Variants in SDK2 observed in about 807,000 individuals in gnomAD.
SDK2 encodes the protein protein sidekick-2.
In SDK2, 105 loss-of-function variants were observed where a neutral mutation model predicts 253.9. That is an observed-to-expected ratio of 0.41 (90% CI 0.35 to 0.49). The LOEUF (loss-of-function observed/expected upper bound fraction) is 0.49. SDK2 is among the 20% of genes least tolerant of loss of function. SDK2 has a pLI of 0.06. For missense variants in SDK2, 2,608 were observed against 3,003.0 expected, an observed-to-expected ratio of 0.87 and a Z score of 3.07; for synonymous variants, 1,249 against 1,234.9, an observed-to-expected ratio of 1.01 and a Z score of -0.24.
At chr17:73,406,246 CTTT>C (rs56122304) in intron 18 of SDK2, among the ~76,000 whole-genome samples, 2 of 139,822 alleles carry the variant, frequency 1.4e-5, no homozygotes, top group Non-Finnish European at 1.5e-5. Context: ...CTACTACACT[CTTT>C]TTTTTTTTTT....
intron 1 of SDK2, among the ~76,000 whole-genome samples, chr17:73,536,839 C>T (rs1399984110): frequency 1.3e-5 from 2 of 152,192 alleles, no homozygotes; most frequent in Admixed American, 6.5e-5. Flanking sequence ...CGCCTCCTTC[C>T]CTACTCCGCC....
intron 32 of SDK2, 86 bp downstream of exon 32, chr17:73,385,761 A>C: frequency 7.8e-7 from 1 of 1,277,634 alleles, no homozygotes; most frequent in Non-Finnish European, 1.1e-6. Context: ...GGCTCCACGC[A>C]GCCCTGGTGG....
rs143396100 is a variant in SDK2 at position 73,610,840 on chromosome 17, CGTGTGT to C, written c.64+33179_64+33184del. 2.8e-3 allele frequency among the ~76,000 whole-genome samples: 416 copies of C among 148,778 alleles called. 3 individuals are homozygous for C. Among genetic ancestry groups the C allele is most frequent in the African/African-American group, 9.4e-3 (381 of 40,702 alleles). ...GGAGTGTATGTGTGGTGTGCGTGTG[CGTGTGT>C]GTGTGTGTGTGTGTATGAGAGACAG... is the stretch of plus-strand genomic sequence containing the variant. On this transcript the variant is annotated intron_variant, in intron 1 of 44. Coordinates refer to ENST00000392650, the MANE Select transcript of SDK2 (RefSeq NM_001144952.2).
rs1026524737 is a variant in SDK2, at chr17:73,337,479, C to T, written c.*1108G>A. ...TTGTTCTGGAGAGGATCCCTAGACC[C>T]TGTTCCTTGTAAGTGCATGGGAGAT... is the stretch of plus-strand genomic sequence containing the variant. On this transcript the variant is annotated 3_prime_UTR_variant, in exon 45 of 45. Coordinates refer to ENST00000392650, the MANE Select transcript of SDK2 (RefSeq NM_001144952.2). 5 of 149,984 alleles carry T rather than the reference C, an allele frequency of 3.3e-5. No individual in the cohort carries two copies. The highest frequency in any genetic ancestry group is 1.2e-4 in the African/African-American group (5 of 40,690). The allele number at this position is 149,984 out of a possible 1,614,324, so 9.3% of individuals were successfully genotyped here.
At chr17:73,439,837 CTA>C (rs2145629554) in intron 6 of SDK2, among the ~76,000 whole-genome samples, 1 of 152,298 alleles carries the variant, frequency 6.6e-6, no homozygotes, top group South Asian at 2.1e-4. Context: ...TTCAACTCAG[CTA>C]TCATCCAGCT....
In SDK2 at chr17:73,348,595, T is replaced by C. The variant is rs775473662; in HGVS notation, c.6165+4A>G. The C allele has an allele frequency of 3.1e-6, 5 of 1,611,994 alleles. No individual in the cohort carries two copies. Among genetic ancestry groups the C allele is most frequent in the Middle Eastern group, 3.3e-4 (2 of 6,080 alleles). ...TGCAGGACACCTGGCCCTCCTGCCCTCACCTGAGAGTCGGAGATTTCTGAG... is the reference window on the plus strand; with the variant it reads ...TGCAGGACACCTGGCCCTCCTGCCCCCACCTGAGAGTCGGAGATTTCTGAG... On this transcript the variant is annotated splice_donor_region_variant and intron_variant, in intron 44 of 44. Transcript: ENST00000392650.
chr17:73,476,270 C>G (rs945311680), intron 2 of SDK2, among the ~76,000 whole-genome samples: 1 of 152,128 alleles, frequency 6.6e-6, no homozygotes, highest in South Asian at 2.1e-4. Context: ...AATACACAAG[C>G]ACAAACGCAC....
intron 1 of SDK2, chr17:73,518,476 C>T (rs1441394807): frequency 1.3e-5 from 2 of 152,220 alleles, no homozygotes; most frequent in East Asian, 1.9e-4. Context: ...TTGGTGCAGC[C>T]TCTGCAAGCC....
At chr17:73,488,141 A>G (rs2063781616) in intron 2 of SDK2, among the ~76,000 whole-genome samples, 1 of 151,938 alleles carries the variant, frequency 6.6e-6, no homozygotes, top group Non-Finnish European at 1.5e-5. Context: ...TCAGCCTCCC[A>G]AGTAGCTGGG....
intron 43 of SDK2, among the ~76,000 whole-genome samples, chr17:73,349,186 T>C (rs2062512812): frequency 6.6e-6 from 1 of 152,142 alleles, no homozygotes; most frequent in Non-Finnish European, 1.5e-5. Context: ...CTGGCGGGGC[T>C]GCTATGGCCA....
At chr17:73,525,162 C>A (rs933575326) in intron 1 of SDK2, among the ~76,000 whole-genome samples, 3 of 152,196 alleles carry the variant, frequency 2.0e-5, no homozygotes, top group African/African-American at 7.2e-5. Context: ...AGGCAAGAAG[C>A]CCGGAGAACC....
Position 73,380,895 on chromosome 17 carries a change from G to A in SDK2, c.4761C>T (p.Asp1587=). The change falls in exon 34 of 45, where the codon GAC becomes GAT. Residue 1587 remains aspartate, a splice_region_variant and synonymous_variant. Transcript: ENST00000392650. ...AAGCCACCATGCAAGGAGACTTACTGTCCAGCTCGTACTGCGTGAGGCTGG... is the reference window on the plus strand; with the variant it reads ...AAGCCACCATGCAAGGAGACTTACTATCCAGCTCGTACTGCGTGAGGCTGG... The part of the protein sequence containing the change: ...SRPSLTQYEL[D]NLNKHRRYEI... The A allele has an allele frequency of 6.4e-7, 1 of 1,566,606 alleles. No individual in the cohort carries two copies. The highest frequency in any genetic ancestry group is 1.4e-5 in the African/African-American group (1 of 73,804).
chr17:73,336,210 G>C lies in SDK2; in HGVS notation c.*2377C>G, dbSNP rs1283474884. ...AAAAAAAAAAAAAGATGAGAGGAAAGAAAAGAAAGCTGTGCGGCACGATCA... is the reference window on the plus strand; with the variant it reads ...AAAAAAAAAAAAAGATGAGAGGAAACAAAAGAAAGCTGTGCGGCACGATCA... On this transcript the variant is annotated 3_prime_UTR_variant, in exon 45 of 45. Coordinates refer to ENST00000392650, the MANE Select transcript of SDK2 (RefSeq NM_001144952.2). 2.0e-5 allele frequency: 3 copies of C among 150,246 alleles called. No individual in the cohort carries two copies. Among genetic ancestry groups the C allele is most frequent in the Admixed American group, 1.3e-4 (2 of 15,100 alleles). The allele number at this position is 150,246 out of a possible 1,614,324, so 9.3% of individuals were successfully genotyped here.
intron 44 of SDK2, among the ~76,000 whole-genome samples, chr17:73,340,084 T>C (rs1599463341): frequency 6.6e-6 from 1 of 151,628 alleles, no homozygotes; most frequent in South Asian, 2.1e-4. Context: ...GTTGGCCAGG[T>C]TGGTCTTGAA....
chr17:73,416,271 A>T (rs2063182041), intron 16 of SDK2, among the ~76,000 whole-genome samples: 1 of 137,604 alleles, frequency 7.3e-6, no homozygotes, highest in Non-Finnish European at 1.5e-5. Context: ...ATCTCGGCTC[A>T]CTGCAACCTC....
rs771043612 is a variant in SDK2 at position 73,422,281 on chromosome 17, C to T, written c.2045+6G>A. On this transcript the variant is annotated splice_donor_region_variant and intron_variant, in intron 15 of 44. Coordinates refer to ENST00000392650, the MANE Select transcript of SDK2 (RefSeq NM_001144952.2). ...CGACGCCCCTGTAGAGCGCCAGTGC[C>T]CTCACCTCTCGGTGTCTTTGCTGAA... 87 of 1,613,606 alleles carry T rather than the reference C, an allele frequency of 5.4e-5. No individual in the cohort carries two copies. Among genetic ancestry groups the T allele is most frequent in the Admixed American group, 1.2e-4 (7 of 59,994 alleles).
rs1309119693 is a variant in SDK2, at chr17:73,496,339, C to T, written c.224+11099G>A. 6.6e-6 allele frequency among the ~76,000 whole-genome samples: 1 copy of T among 152,148 alleles called. No individual in the cohort carries two copies. Among genetic ancestry groups the T allele is most frequent in the African/African-American group, 2.4e-5 (1 of 41,438 alleles). ...GTTTGCTCAAAGGCACACAGTGAGT[C>T]AGGGGCAGGACTGGACATCACAAGG... On this transcript the variant is annotated intron_variant, in intron 2 of 44. Transcript: ENST00000392650. This position sits in a 1 kb window ranked among gnomAD's most constrained non-coding sequence, Gnocchi z 4.7.
chr17:73,514,778 TG>T (rs1307897271), intron 1 of SDK2, among the ~76,000 whole-genome samples: 3 of 152,096 alleles, frequency 2.0e-5, no homozygotes, highest in African/African-American at 7.2e-5. Flanking sequence ...GGAAACAGGG[TG>T]GGAGCTGGGA....
intron 1 of SDK2, among the ~76,000 whole-genome samples, chr17:73,554,834 T>C (rs2045118616): frequency 6.6e-6 from 1 of 152,336 alleles, no homozygotes; most frequent in African/African-American, 2.4e-5. Context: ...AGAGTATTGA[T>C]TTACACTTAT....
Sources: gnomAD v4.1 joint callset for allele counts (sites outside exome capture counted in the v4.1 genomes callset) on GRCh38, gnomAD v4.1.1 for gene constraint, Gnocchi (gnomAD v3.1) non-coding constraint, MANE v1.5 for transcripts, NCBI Gene and HGNC (gene_info 2026-07-23, HGNC 2026-07-21) for gene names.